PDE3B: variants seen among roughly 807,000 people sequenced by gnomAD.
PDE3B encodes the protein cGMP-inhibited 3',5'-cyclic phosphodiesterase 3B.
PDE3B carries 66 observed loss-of-function variants against 116.8 expected under a neutral mutation model. That is an observed-to-expected ratio of 0.56 (90% CI 0.46 to 0.69). PDE3B has a LOEUF of 0.69. Ranked by LOEUF, PDE3B falls within the 30% of genes least tolerant of loss-of-function variation. The pLI is 0.00. For missense variants in PDE3B, 1,384 were observed against 1,368.1 expected (o/e 1.01, Z -0.18); for synonymous variants, 595 against 533.6 (o/e 1.12, Z -1.59).
intron 7 of PDE3B, among the ~76,000 whole-genome samples, chr11:14,827,262 A>C (rs1260540752): frequency 6.6e-6 from 1 of 152,142 alleles, no homozygotes; most frequent in South Asian, 2.1e-4. Context: ...CGGGCACAAG[A>C]CAAGGATGCC....
intron 1 of PDE3B, among the ~76,000 whole-genome samples, chr11:14,698,607 ATAT>A (rs750470442): frequency 2.2e-4 from 33 of 152,024 alleles, no homozygotes; most frequent in Non-Finnish European, 4.0e-4. Flanking sequence ...TCATGTATGC[ATAT>A]TATTAGGCTT....
At chr11:14,753,033 G>A (rs915349374) in intron 1 of PDE3B, among the ~76,000 whole-genome samples, 1 of 152,064 alleles carries the variant, frequency 6.6e-6, no homozygotes, top group Non-Finnish European at 1.5e-5. Flanking sequence ...TGTGGAAGTG[G>A]TAAGATAACA....
At chr11:14,890,501 A>C in the PDE3B span, 1 of 736,236 alleles carries the variant, frequency 1.4e-6, no homozygotes, top group Non-Finnish European at 1.6e-6. Context: ...AACGTAAACC[A>C]TTAGTGACTT....
downstream of PDE3B, among the ~76,000 whole-genome samples, chr11:14,876,229 G>C (rs1465335001): frequency 7.9e-5 from 12 of 152,108 alleles, no homozygotes; most frequent in Admixed American, 7.9e-4. Flanking sequence ...GATTCAGGAA[G>C]GTTGGGGCAG....
intron 1 of PDE3B, among the ~76,000 whole-genome samples, chr11:14,674,853 A>G (rs1854484084): frequency 1.3e-5 from 2 of 152,190 alleles, no homozygotes; most frequent in South Asian, 2.1e-4. Flanking sequence ...AAATGAAGTT[A>G]TGTTCAAATG....
intron 11 of PDE3B, among the ~76,000 whole-genome samples, chr11:14,838,535 C>T (rs1033724766): frequency 2.0e-5 from 3 of 152,194 alleles, no homozygotes; most frequent in Non-Finnish European, 2.9e-5. Context: ...AGTCATTTCT[C>T]CTTGTGTTGA....
chr11:14,699,531 C>A (rs982449417), intron 1 of PDE3B, among the ~76,000 whole-genome samples: 3 of 151,858 alleles, frequency 2.0e-5, no homozygotes, highest in Non-Finnish European at 4.4e-5. Flanking sequence ...TTTAGGTTTT[C>A]TAACAATTGT....
chr11:14,715,808 G>A (rs1855863871), intron 1 of PDE3B, among the ~76,000 whole-genome samples: 1 of 152,168 alleles, frequency 6.6e-6, no homozygotes, highest in African/African-American at 2.4e-5. Context: ...AATAGGAGTG[G>A]TGAGAGAGGG....
intron 1 of PDE3B, among the ~76,000 whole-genome samples, chr11:14,742,238 A>G (rs1565117704): frequency 2.0e-5 from 3 of 152,120 alleles, no homozygotes; most frequent in African/African-American, 4.8e-5. Flanking sequence ...ATCAAACGCA[A>G]TTTGGTCTTT....
intron 7 of PDE3B, among the ~76,000 whole-genome samples, chr11:14,820,485 C>T (rs1859482307): frequency 6.6e-6 from 1 of 152,122 alleles, no homozygotes; most frequent in South Asian, 2.1e-4. Context: ...CATGAAGGAA[C>T]ATTTTGGGTG....
chr11:14,826,662 C>G (rs1189574464), intron 7 of PDE3B, among the ~76,000 whole-genome samples: 1 of 151,822 alleles, frequency 6.6e-6, no homozygotes, highest in Non-Finnish European at 1.5e-5. Context: ...AAAAATAAAG[C>G]CCAGGACCAG....
At chr11:14,730,241 T>A (rs989493913) in intron 1 of PDE3B, among the ~76,000 whole-genome samples, 1 of 152,216 alleles carries the variant, frequency 6.6e-6, no homozygotes, top group African/African-American at 2.4e-5. Flanking sequence ...TCTGAGTAGC[T>A]GACCTAAGGT....
At chr11:14,829,652 G>A (rs1859808086) in intron 7 of PDE3B, among the ~76,000 whole-genome samples, 1 of 152,022 alleles carries the variant, frequency 6.6e-6, no homozygotes, top group East Asian at 1.9e-4. Flanking sequence ...AGAACACATG[G>A]ACATAAAGAG....
chr11:14,826,307 A>C (rs1210760848), intron 7 of PDE3B, among the ~76,000 whole-genome samples: 1 of 152,180 alleles, frequency 6.6e-6, no homozygotes, highest in Admixed American at 6.6e-5. Flanking sequence ...CAAAAACACC[A>C]TCCAAAAGAT....
intron 1 of PDE3B, among the ~76,000 whole-genome samples, chr11:14,655,522 T>C (rs1438719154): frequency 6.6e-6 from 1 of 152,148 alleles, no homozygotes; most frequent in Non-Finnish European, 1.5e-5. Flanking sequence ...CTAGGTGCTG[T>C]GGGGGAAATA....
intron 1 of PDE3B, among the ~76,000 whole-genome samples, chr11:14,714,948 A>G (rs553535879): frequency 6.7e-6 from 1 of 148,660 alleles, no homozygotes; most frequent in African/African-American, 2.4e-5. Context: ...AATATCTTAA[A>G]TATTCTTAAA....
chr11:14,730,178 A>C (rs1856419654), intron 1 of PDE3B, among the ~76,000 whole-genome samples: 2 of 152,168 alleles, frequency 1.3e-5, no homozygotes, highest in African/African-American at 4.8e-5. Context: ...TCCAGAATGG[A>C]TTCTCTGATA....
At chr11:14,769,424 C>T (rs1857577501) in intron 1 of PDE3B, among the ~76,000 whole-genome samples, 1 of 151,098 alleles carries the variant, frequency 6.6e-6, no homozygotes, top group Middle Eastern at 3.4e-3. Flanking sequence ...GGCATACATT[C>T]CTTCTCATAT....
intron 7 of PDE3B, among the ~76,000 whole-genome samples, chr11:14,822,688 C>T (rs2133954057): frequency 6.6e-6 from 1 of 152,276 alleles, no homozygotes; most frequent in East Asian, 1.9e-4. Flanking sequence ...ATGTGGAGCC[C>T]CAGGAGCTAT....
Sources: gnomAD v4.1 joint callset for allele counts (sites outside exome capture counted in the v4.1 genomes callset) on GRCh38, gnomAD v4.1.1 for gene constraint, MANE v1.5 for transcripts, NCBI Gene and HGNC (gene_info 2026-07-23, HGNC 2026-07-21) for gene names.